PCDH15: variants seen among roughly 807,000 people sequenced by gnomAD.
PCDH15 encodes protocadherin related 15, also known as protocadherin-15.
PCDH15 carries 129 observed loss-of-function variants against 178.5 expected under a neutral mutation model. The observed-to-expected ratio is 0.72, with a 90% CI of 0.63 to 0.84. The LOEUF is 0.84. PCDH15 is among the 40% of genes least tolerant of loss of function. The probability of loss-of-function intolerance (pLI) is 0.00; values close to 1 mark genes in which losing one functional copy is unlikely to be tolerated. For synonymous variants in PCDH15, 800 were observed against 732.0 expected (o/e 1.09, Z -1.50); for missense variants, 2,230 against 2,099.9 (o/e 1.06, Z -1.21).
At chr10:54,722,166 C>T (rs1941728157) in intron 1 of PCDH15, among the ~76,000 whole-genome samples, 1 of 151,610 alleles carries the variant, frequency 6.6e-6, no homozygotes, top group Non-Finnish European at 1.5e-5. Context: ...AAAATCAACA[C>T]CCCTTTATGA....
intron 25 of PCDH15, among the ~76,000 whole-genome samples, chr10:53,930,574 T>C (rs1347011423): frequency 6.6e-6 from 1 of 151,644 alleles, no homozygotes; most frequent in Non-Finnish European, 1.5e-5. Context: ...ACACAGAGAT[T>C]GGCTCTTCTG....
intron 3 of PCDH15, among the ~76,000 whole-genome samples, chr10:54,519,169 TCTC>T (rs768762464): frequency 2.6e-5 from 4 of 152,126 alleles, no homozygotes; most frequent in Non-Finnish European, 5.9e-5. Context: ...GGATGCCCTC[TCTC>T]ACCACTCCTA....
chr10:55,599,839 C>T lies in PCDH15; in HGVS notation c.-156+27786G>A, dbSNP rs916538938. 3.9e-5 allele frequency: 40 copies of T among 1,035,678 alleles called. No individual in the cohort carries two copies. In the Admixed American group the frequency reaches 6.1e-4, roughly 16 times the overall value. The allele number at this position is 1,035,678 out of a possible 1,614,324, so 64.2% of individuals were successfully genotyped here. Reference sequence around the variant, plus strand: ...CTCAGTGACATATGTTTAAGGGTTGCGGTATCCTGAACTTGCAAAGGTAGC... The same window carrying T: ...CTCAGTGACATATGTTTAAGGGTTGTGGTATCCTGAACTTGCAAAGGTAGC... On this transcript the variant is annotated intron_variant, in intron 2 of 5. Transcript: ENST00000613346.
intron 2 of PCDH15, among the ~76,000 whole-genome samples, chr10:54,636,977 T>A (rs1406099512): frequency 2.0e-5 from 3 of 151,966 alleles, no homozygotes; most frequent in African/African-American, 7.2e-5. Flanking sequence ...TAAGTTGTGA[T>A]TCTCCCAAGT....
chr10:54,402,802 A>G (rs1349802965), intron 3 of PCDH15, among the ~76,000 whole-genome samples: 2 of 151,928 alleles, frequency 1.3e-5, no homozygotes, highest in African/African-American at 4.8e-5. Flanking sequence ...CCATTCTCCC[A>G]TCTTTCTCCA....
At chr10:54,821,989 T>G (rs1048867440) in intron 3 of PCDH15, among the ~76,000 whole-genome samples, 8 of 152,144 alleles carry the variant, frequency 5.3e-5, no homozygotes, top group East Asian at 1.9e-4. Context: ...CTTAAGCAAG[T>G]GAGACACTCA....
intron 1 of PCDH15, among the ~76,000 whole-genome samples, chr10:54,796,266 C>CTGTCTATG (rs1554796260): frequency 1.9e-3 from 169 of 87,222 alleles, no homozygotes; most frequent in African/African-American, 3.4e-3. Flanking sequence ...ATCTATCTAT[C>CTGTCTATG]TATCTATGTA....
chr10:54,428,997 G>A (rs954859333), intron 3 of PCDH15, among the ~76,000 whole-genome samples: 1 of 152,106 alleles, frequency 6.6e-6, no homozygotes, highest in African/African-American at 2.4e-5. Flanking sequence ...AACCTCACTG[G>A]TAATACTAAG....
chr10:54,215,400 T>C (rs941502965), intron 9 of PCDH15, among the ~76,000 whole-genome samples: 10 of 152,054 alleles, frequency 6.6e-5, no homozygotes, highest in Admixed American at 3.9e-4. Context: ...AATCTACAAA[T>C]AGTCAAAATT....
At chr10:54,130,284 A>G (rs2042323148) in intron 15 of PCDH15, among the ~76,000 whole-genome samples, 1 of 152,178 alleles carries the variant, frequency 6.6e-6, no homozygotes, top group Non-Finnish European at 1.5e-5. Context: ...TTTCTGTGGC[A>G]TAAATATGCC....
intron 2 of PCDH15, among the ~76,000 whole-genome samples, chr10:55,153,302 G>A (rs1392994005): frequency 6.6e-6 from 1 of 152,076 alleles, no homozygotes; most frequent in Admixed American, 6.6e-5. Context: ...GATCACCTGA[G>A]TGGGAGGTGA....
intron 2 of PCDH15, among the ~76,000 whole-genome samples, chr10:54,564,119 C>A (rs143759392): frequency 2.9e-4 from 43 of 149,186 alleles, no homozygotes; most frequent in Non-Finnish European, 2.7e-4. Flanking sequence ...TTTGTAGATT[C>A]CTTGTTTTTC....
At chr10:54,614,625 A>G (rs1246543505) in intron 2 of PCDH15, among the ~76,000 whole-genome samples, 1 of 152,038 alleles carries the variant, frequency 6.6e-6, no homozygotes, top group African/African-American at 2.4e-5. Flanking sequence ...AATAAACACT[A>G]ATGAAGTGCT....
intron 2 of PCDH15, among the ~76,000 whole-genome samples, chr10:54,624,846 G>A (rs567872542): frequency 3.3e-5 from 5 of 152,304 alleles, no homozygotes; most frequent in African/African-American, 1.2e-4. Flanking sequence ...CTGGTGATCT[G>A]TCAATGTTCC....
At chr10:55,440,928 G>A (rs1839170028) in intron 2 of PCDH15, among the ~76,000 whole-genome samples, 1 of 152,126 alleles carries the variant, frequency 6.6e-6, no homozygotes, top group African/African-American at 2.4e-5. Context: ...CATTAGATCT[G>A]ATGAGACTTA....
At chr10:55,243,958 T>C (rs1841620704) in intron 1 of PCDH15, among the ~76,000 whole-genome samples, 1 of 152,138 alleles carries the variant, frequency 6.6e-6, no homozygotes, top group African/African-American at 2.4e-5. Flanking sequence ...TAAGTGTTTC[T>C]TTATAAAACT....
chr10:54,745,486 G>A (rs1217906629), intron 1 of PCDH15, among the ~76,000 whole-genome samples: 2 of 152,096 alleles, frequency 1.3e-5, no homozygotes, highest in African/African-American at 2.4e-5. Context: ...TCTTTAAGTA[G>A]GCATGTTGCT....
intron 2 of PCDH15, among the ~76,000 whole-genome samples, chr10:55,053,949 A>T (rs1037718224): frequency 2.0e-5 from 3 of 152,190 alleles, no homozygotes; most frequent in African/African-American, 7.2e-5. Context: ...AAAACTAAAA[A>T]CCATGAGCAG....
chr10:55,146,931 G>T (rs1838529481), intron 2 of PCDH15, among the ~76,000 whole-genome samples: 1 of 151,278 alleles, frequency 6.6e-6, no homozygotes, highest in Non-Finnish European at 1.5e-5. Flanking sequence ...TATGTGGCGG[G>T]GTGGGGGGAA....
Sources: gnomAD v4.1 joint callset for allele counts (sites outside exome capture counted in the v4.1 genomes callset) on GRCh38, gnomAD v4.1.1 for gene constraint, MANE v1.5 for transcripts, NCBI Gene and HGNC (gene_info 2026-07-23, HGNC 2026-07-21) for gene names.